The following CLNK variants were observed in gnomAD, a reference collection of about 807,000 sequenced individuals.
CLNK encodes cytokine dependent hematopoietic cell linker, also known as cytokine-dependent hematopoietic cell linker.
Under a neutral mutation model 68.6 loss-of-function variants are expected in CLNK, and 74 were observed. That is an observed-to-expected ratio of 1.08 (90% CI 0.89 to 1.31). The LOEUF is 1.31. Among genes scored for constraint, CLNK ranks in the 50% most tolerant of loss-of-function variants. The probability of loss-of-function intolerance (pLI) is 0.00; values close to 1 mark genes in which losing one functional copy is unlikely to be tolerated. For synonymous variants in CLNK, 198 were observed against 172.2 expected, an observed-to-expected ratio of 1.15 and a Z score of -1.17; for missense variants, 553 against 515.3, an observed-to-expected ratio of 1.07 and a Z score of -0.71.
rs150744853 is a variant in CLNK at position 10,571,797 on chromosome 4, C to T, written c.113-19G>A. ...TACTGGCCTGCCAACACAAACAGAC[C>T]GAGTGTTATTTTAATCACTGTGGTA... On this transcript the variant is annotated intron_variant, in intron 4 of 18. Coordinates refer to ENST00000226951, the MANE Select transcript of CLNK (RefSeq NM_052964.4). 3.3e-4 allele frequency: 535 copies of T among 1,607,480 alleles called. 2 individuals are homozygous for T. The African/African-American group carries it at 5.5e-3, about 16-fold the overall frequency.
intron 4 of CLNK, among the ~76,000 whole-genome samples, chr4:10,574,320 C>T (rs1212648746): frequency 6.6e-6 from 1 of 152,192 alleles, no homozygotes; most frequent in African/African-American, 2.4e-5. Flanking sequence ...GAACTCTCTT[C>T]TCTGTGAGGC....
chr4:10,494,190 C>T (rs1425920433), intron 18 of CLNK, among the ~76,000 whole-genome samples: 1 of 152,090 alleles, frequency 6.6e-6, no homozygotes, highest in Non-Finnish European at 1.5e-5. Context: ...GAATAACAAC[C>T]ACACACAAAA....
At chr4:10,557,076 AAAATAAATAAAT>A (rs145622246) in intron 8 of CLNK, among the ~76,000 whole-genome samples, 95 of 140,058 alleles carry the variant, frequency 6.8e-4, no homozygotes, top group African/African-American at 1.8e-3. Flanking sequence ...ACTCTGTCTC[AAAATAAATAAAT>A]AAATAAATAA....
intron 3 of CLNK, among the ~76,000 whole-genome samples, chr4:10,597,211 A>C (rs1721417967): frequency 1.3e-5 from 2 of 152,182 alleles, no homozygotes; most frequent in South Asian, 4.1e-4. Flanking sequence ...GGATTGATAG[A>C]ACTTGTGAGG....
At chr4:10,611,148 T>A (rs1374350069) in intron 2 of CLNK, among the ~76,000 whole-genome samples, 1 of 152,066 alleles carries the variant, frequency 6.6e-6, no homozygotes, top group African/African-American at 2.4e-5. Flanking sequence ...TGAAACCCCG[T>A]CTCTACTAAA....
chr4:10,636,368 G>A (rs1469885839), intron 2 of CLNK, among the ~76,000 whole-genome samples: 1 of 152,198 alleles, frequency 6.6e-6, no homozygotes, highest in Non-Finnish European at 1.5e-5. Flanking sequence ...GATAGAGGCA[G>A]AGATTGGAGT....
rs116223048 is a variant in CLNK, at chr4:10,648,410, C to T, written c.11+19449G>A. Among the ~76,000 whole-genome samples, 650 of 152,290 alleles carry T rather than the reference C, an allele frequency of 4.3e-3. 6 individuals carry two copies. Among genetic ancestry groups the T allele is most frequent in the African/African-American group, 0.015 (607 of 41,560 alleles). ...TGCAATGCCACATATTTCTCATGTG[C>T]TTTACATACATTATATCATGTAACT... On this transcript the variant is annotated intron_variant, in intron 2 of 18. Transcript: ENST00000226951.
the CLNK span, among the ~76,000 whole-genome samples, chr4:10,732,790 T>C: frequency 6.6e-6 from 1 of 152,144 alleles, no homozygotes; most frequent in Non-Finnish European, 1.5e-5. Flanking sequence ...GTCAGGTGTT[T>C]TTTCTCTCTC....
chr4:10,518,401 A>T (rs1354821320), intron 15 of CLNK, among the ~76,000 whole-genome samples: 1 of 152,152 alleles, frequency 6.6e-6, no homozygotes. Context: ...GTAGTCAATA[A>T]ATATTTATTA....
At chr4:10,535,263 G>GAAAGA (rs1225148465) in intron 11 of CLNK, among the ~76,000 whole-genome samples, 13 of 144,706 alleles carry the variant, frequency 9.0e-5, no homozygotes, top group African/African-American at 3.3e-4. Flanking sequence ...AAGAAAGAAA[G>GAAAGA]AAAAAATGGA....
At chr4:10,533,254 A>G (rs1315779479) in intron 11 of CLNK, among the ~76,000 whole-genome samples, 1 of 152,010 alleles carries the variant, frequency 6.6e-6, no homozygotes, top group African/African-American at 2.4e-5. Flanking sequence ...GCGTGACTCC[A>G]TTTCAAAACA....
At chr4:10,653,062 C>CATTCA (rs1723817524) in intron 2 of CLNK, among the ~76,000 whole-genome samples, 1 of 152,108 alleles carries the variant, frequency 6.6e-6, no homozygotes. Flanking sequence ...ACACTGGAAA[C>CATTCA]CATCATTCAC....
intron 1 of CLNK, among the ~76,000 whole-genome samples, chr4:10,668,765 T>C (rs965722729): frequency 2.0e-5 from 3 of 152,146 alleles, no homozygotes; most frequent in Non-Finnish European, 2.9e-5. Flanking sequence ...TGGCTTTCAG[T>C]TGTGGGACCT....
intron 5 of CLNK, among the ~76,000 whole-genome samples, chr4:10,570,862 T>C (rs1171593055): frequency 1.3e-5 from 2 of 152,228 alleles, no homozygotes; most frequent in Admixed American, 6.5e-5. Flanking sequence ...TTTCATAAAA[T>C]GGATGTATCA....
At chr4:10,502,913 C>T (rs769524170) in intron 17 of CLNK, among the ~76,000 whole-genome samples, 20 of 151,908 alleles carry the variant, frequency 1.3e-4, no homozygotes, top group Non-Finnish European at 2.6e-4. Flanking sequence ...TTTCCAAAAG[C>T]GGGTCAACAG....
In CLNK at chr4:10,621,147, C is replaced by A. The variant is rs559893414; in HGVS notation, c.12-23098G>T. On this transcript the variant is annotated intron_variant, in intron 2 of 18. Coordinates refer to ENST00000226951, the MANE Select transcript of CLNK (RefSeq NM_052964.4). The stretch of plus-strand genomic sequence containing the variant: ...AGCCCTACCTCAGTACCTCAGTCAC[C>A]AAGAGGTAAGTGGCCGCTGCAGGCC... 1.1e-4 allele frequency among the ~76,000 whole-genome samples: 17 copies of A among 152,148 alleles called. No individual in the cohort carries two copies. In the South Asian group the frequency reaches 2.3e-3, roughly 20 times the overall value.
At chr4:10,732,727 CAA>C in the CLNK span, among the ~76,000 whole-genome samples, 15 of 130,882 alleles carry the variant, frequency 1.1e-4, no homozygotes, top group East Asian at 6.6e-4. Context: ...ACTCGAGGAC[CAA>C]AAAAAAAAAA....
At chr4:10,720,793 G>C in the CLNK span, among the ~76,000 whole-genome samples, 4 of 151,278 alleles carry the variant, frequency 2.6e-5, no homozygotes, top group Non-Finnish European at 5.9e-5. Context: ...CAGCTTGACA[G>C]TTTCTTAAAA....
chr4:10,497,953 T>C (rs1187746006), intron 18 of CLNK, among the ~76,000 whole-genome samples: 1 of 152,222 alleles, frequency 6.6e-6, no homozygotes, highest in Non-Finnish European at 1.5e-5. Context: ...CCCAGCACTT[T>C]GGGAGGCCAA....
Sources: gnomAD v4.1 joint callset for allele counts (sites outside exome capture counted in the v4.1 genomes callset) on GRCh38, gnomAD v4.1.1 for gene constraint, MANE v1.5 for transcripts, NCBI Gene and HGNC (gene_info 2026-07-23, HGNC 2026-07-21) for gene names.